Variants in PELI2 observed in about 807,000 individuals in gnomAD.
PELI2 encodes pellino E3 ubiquitin protein ligase family member 2.
A neutral mutation model predicts 42.3 loss-of-function variants in PELI2; 23 were observed. That is an observed-to-expected ratio of 0.54 (90% confidence interval 0.39 to 0.77). The LOEUF is 0.77. Among genes scored for constraint, PELI2 ranks in the 30% least tolerant of loss-of-function variants. PELI2 has a pLI of 0.00. For missense variants in PELI2, 463 were observed against 553.2 expected (o/e 0.84, Z 1.64); for synonymous variants, 245 against 212.2 (o/e 1.15, Z -1.34).
chr14:56,147,560 A>G (rs1402626794), intron 1 of PELI2, among the ~76,000 whole-genome samples: 1 of 152,230 alleles, frequency 6.6e-6, no homozygotes, highest in Non-Finnish European at 1.5e-5. Flanking sequence ...TGAGGATATA[A>G]CATTTTTCTT....
At chr14:56,239,269 A>G in intron 2 of PELI2, among the ~76,000 whole-genome samples, 2 of 152,374 alleles carry the variant, frequency 1.3e-5, no homozygotes, top group South Asian at 4.1e-4. Flanking sequence ...AAGTCTAGAA[A>G]GATGAATATG....
At chr14:56,253,683 G>T (rs1888429813) in intron 2 of PELI2, among the ~76,000 whole-genome samples, 1 of 152,162 alleles carries the variant, frequency 6.6e-6, no homozygotes, top group Non-Finnish European at 1.5e-5. Context: ...ACAAACCACT[G>T]CTCAAGGAAA....
chr14:56,297,769 C>A lies in PELI2; in HGVS notation c.*603C>A, dbSNP rs1594725765. On this transcript the variant is annotated 3_prime_UTR_variant, in exon 6 of 6. Coordinates refer to ENST00000267460, the MANE Select transcript of PELI2 (RefSeq NM_021255.3). ...GGAGAGAATATTCATAACTTGTGGG[C>A]TTTTTTTTTTTTTAACTTCAGTGGA... 7.1e-6 allele frequency: 1 copy of A among 140,382 alleles called. No homozygotes were observed. The allele number at this position is 140,382 out of a possible 1,614,324, so 8.7% of individuals were successfully genotyped here.
At chr14:56,280,462 A>T (rs1037452340) in intron 3 of PELI2, among the ~76,000 whole-genome samples, 8 of 152,114 alleles carry the variant, frequency 5.3e-5, no homozygotes, top group Non-Finnish European at 1.0e-4. Flanking sequence ...TTAGTACTTT[A>T]AAACAACAAA....
intron 2 of PELI2, among the ~76,000 whole-genome samples, chr14:56,236,581 G>A (rs1887805028): frequency 6.6e-6 from 1 of 152,164 alleles, no homozygotes; most frequent in Non-Finnish European, 1.5e-5. Context: ...TACTCATGGT[G>A]CATTGGTTTT....
chr14:56,157,327 G>A (rs886386400), intron 1 of PELI2, among the ~76,000 whole-genome samples: 16 of 152,070 alleles, frequency 1.1e-4, no homozygotes, highest in African/African-American at 3.9e-4. Context: ...GCTTGAATTT[G>A]TATACATTTT....
intron 2 of PELI2, among the ~76,000 whole-genome samples, chr14:56,240,287 T>A (rs1887927220): frequency 6.6e-6 from 1 of 151,778 alleles, no homozygotes; most frequent in Admixed American, 6.6e-5. Flanking sequence ...GCGAGACGAT[T>A]GGGGGCCTGA....
chr14:56,189,745 T>G (rs903726314), intron 2 of PELI2, among the ~76,000 whole-genome samples: 1 of 152,258 alleles, frequency 6.6e-6, no homozygotes, highest in African/African-American at 2.4e-5. Context: ...CTAAAATGCA[T>G]TGATAGATTA....
intron 2 of PELI2, among the ~76,000 whole-genome samples, chr14:56,224,549 A>G (rs758419631): frequency 1.4e-4 from 21 of 152,248 alleles, no homozygotes; most frequent in Non-Finnish European, 2.8e-4. Context: ...GAATTCTTAC[A>G]GTATAATGTA....
intron 2 of PELI2, among the ~76,000 whole-genome samples, chr14:56,242,419 A>G (rs111562909): frequency 0.023 from 3,492 of 152,320 alleles, 140 homozygotes; most frequent in African/African-American, 0.081. Flanking sequence ...CTCATCATGT[A>G]AAATAGGAGG....
chr14:56,196,409 G>C (rs2139697607), intron 2 of PELI2, among the ~76,000 whole-genome samples: 1 of 152,288 alleles, frequency 6.6e-6, no homozygotes. Context: ...CTGGTGATGA[G>C]ACAGTAATTA....
intron 1 of PELI2, among the ~76,000 whole-genome samples, chr14:56,173,129 A>G (rs546460417): frequency 4.0e-4 from 61 of 151,980 alleles, no homozygotes; most frequent in Non-Finnish European, 5.3e-4. Flanking sequence ...TGCCTCCTCC[A>G]TGCCTCCCCC....
At chr14:56,285,161 A>G (rs1889605151) in intron 3 of PELI2, among the ~76,000 whole-genome samples, 1 of 152,190 alleles carries the variant, frequency 6.6e-6, no homozygotes, top group Non-Finnish European at 1.5e-5. Context: ...ACCAGTTTGG[A>G]GGCTAAGGTG....
At chr14:56,129,600 C>T (rs1883405318) in intron 1 of PELI2, among the ~76,000 whole-genome samples, 1 of 152,158 alleles carries the variant, frequency 6.6e-6, no homozygotes, top group Non-Finnish European at 1.5e-5. Context: ...AGGAGAAGGA[C>T]CCATAGCCCT....
Position 56,297,217 on chromosome 14 carries a change from T to C in PELI2, c.*51T>C. 2 of 1,293,706 alleles carry C rather than the reference T, an allele frequency of 1.5e-6. No homozygotes were observed. Among genetic ancestry groups the C allele is most frequent in the Non-Finnish European group, 2.1e-6 (2 of 932,196 alleles). The allele number at this position is 1,293,706 out of a possible 1,614,324, so 80.1% of individuals were successfully genotyped here. A position where few individuals can be genotyped will look rare whatever the true frequency, so the allele number is the denominator to read the frequency against. On this transcript the variant is annotated 3_prime_UTR_variant, in exon 6 of 6. Coordinates refer to ENST00000267460, the MANE Select transcript of PELI2 (RefSeq NM_021255.3). The stretch of plus-strand genomic sequence containing the variant: ...TATTAACAGGTTACTGTGAAGATTT[T>C]GCCACTAACTCTAGATTTTACCTTT...
chr14:56,137,466 C>T (rs957676138), intron 1 of PELI2, among the ~76,000 whole-genome samples: 21 of 152,282 alleles, frequency 1.4e-4, no homozygotes, highest in African/African-American at 4.3e-4. Context: ...GTTCCCTTGA[C>T]GGTACTCTGA....
At chr14:56,262,104 AAGTACT>A (rs1471718892) in intron 2 of PELI2, among the ~76,000 whole-genome samples, 5 of 152,322 alleles carry the variant, frequency 3.3e-5, no homozygotes, top group South Asian at 2.1e-4. Flanking sequence ...CTCTTTCCAA[AAGTACT>A]AGAAGCAGGG....
At chr14:56,255,452 C>T (rs1274561032) in intron 2 of PELI2, among the ~76,000 whole-genome samples, 1 of 151,908 alleles carries the variant, frequency 6.6e-6, no homozygotes, top group Non-Finnish European at 1.5e-5. Context: ...TGCATGGACA[C>T]AGGGAGGGAA....
chr14:56,262,703 G>A (rs1329863800), intron 2 of PELI2, among the ~76,000 whole-genome samples: 1 of 152,038 alleles, frequency 6.6e-6, no homozygotes. Flanking sequence ...TTGACGTTAG[G>A]GCTGAGCCTC....
Sources: gnomAD v4.1 joint callset for allele counts (sites outside exome capture counted in the v4.1 genomes callset) on GRCh38, gnomAD v4.1.1 for gene constraint, MANE v1.5 for transcripts, NCBI Gene and HGNC (gene_info 2026-07-23, HGNC 2026-07-21) for gene names.